PTBP3: variants seen among roughly 807,000 people sequenced by gnomAD.
PTBP3 encodes the protein polypyrimidine tract-binding protein 3.
In PTBP3, 20 loss-of-function variants were observed where a neutral mutation model predicts 58.7. That is an observed-to-expected ratio of 0.34 (90% CI 0.24 to 0.50). PTBP3 has a LOEUF of 0.50. Ranked by LOEUF, PTBP3 falls within the 20% of genes least tolerant of loss-of-function variation. The pLI is 0.98. For synonymous variants in PTBP3, 185 were observed against 219.8 expected (o/e 0.84, Z 1.40); for missense variants, 509 against 637.2 (o/e 0.80, Z 2.17).
the PTBP3 span, among the ~76,000 whole-genome samples, chr9:112,378,791 C>G: frequency 6.6e-6 from 1 of 152,216 alleles, no homozygotes; most frequent in Non-Finnish European, 1.5e-5. Flanking sequence ...GCAAATTCCT[C>G]TGGAGCCTCT....
intron 1 of PTBP3, among the ~76,000 whole-genome samples, chr9:112,326,161 T>C (rs138344856): frequency 1.1e-3 from 167 of 152,354 alleles, no homozygotes; most frequent in South Asian, 4.1e-3. Flanking sequence ...CACTAGTGGA[T>C]ACAAGTGTCA....
At chr9:112,281,655 A>G (rs1827873292) in intron 2 of PTBP3, among the ~76,000 whole-genome samples, 1 of 152,192 alleles carries the variant, frequency 6.6e-6, no homozygotes, top group South Asian at 2.1e-4. Flanking sequence ...TATGTCTGAT[A>G]GACTTCATCA....
chr9:112,280,774 TG>T (rs1247709983), intron 2 of PTBP3, among the ~76,000 whole-genome samples: 6 of 53,522 alleles, frequency 1.1e-4, no homozygotes, highest in Non-Finnish European at 2.0e-4. Context: ...TGTATGTGTG[TG>T]TGTGTGTGTG....
intron 7 of PTBP3, among the ~76,000 whole-genome samples, chr9:112,235,349 C>T (rs974564398): frequency 6.6e-6 from 1 of 152,040 alleles, no homozygotes; most frequent in Non-Finnish European, 1.5e-5. Context: ...AAATATATTA[C>T]AATTGGAGTA....
At chr9:112,333,267 G>T (rs1415631538) in intron 1 of PTBP3, among the ~76,000 whole-genome samples, 2 of 152,190 alleles carry the variant, frequency 1.3e-5, no homozygotes, top group African/African-American at 4.8e-5. Flanking sequence ...GTGGGGAAAG[G>T]AGAGCCTGCG....
At chr9:112,235,830 G>C (rs910679229) in intron 7 of PTBP3, among the ~76,000 whole-genome samples, 9 of 152,010 alleles carry the variant, frequency 5.9e-5, no homozygotes, top group African/African-American at 1.9e-4. Context: ...CAGAAGGAAA[G>C]GGAATATCCT....
the PTBP3 span, among the ~76,000 whole-genome samples, chr9:112,364,552 G>A: frequency 7.2e-5 from 11 of 152,222 alleles, no homozygotes; most frequent in South Asian, 2.1e-3. Context: ...AGGATAGCTT[G>A]AGCCTAGGCG....
At chr9:112,301,583 T>C (rs1415370925) in intron 1 of PTBP3, among the ~76,000 whole-genome samples, 1 of 152,166 alleles carries the variant, frequency 6.6e-6, no homozygotes, top group Non-Finnish European at 1.5e-5. Context: ...AGATTAGTGG[T>C]TGCCAGGAGA....
the PTBP3 span, among the ~76,000 whole-genome samples, chr9:112,350,798 C>T: frequency 2.0e-5 from 3 of 151,798 alleles, no homozygotes; most frequent in Non-Finnish European, 2.9e-5. Context: ...TTCTTCTTTC[C>T]TTTTTTTTCT....
the PTBP3 span, among the ~76,000 whole-genome samples, chr9:112,349,985 T>G: frequency 4.7e-5 from 7 of 147,688 alleles, no homozygotes; most frequent in Non-Finnish European, 1.0e-4. Context: ...GTCACAGAAG[T>G]GGTCTGTGTT....
chr9:112,349,910 A>ACAC, the PTBP3 span, among the ~76,000 whole-genome samples: 1 of 143,146 alleles, frequency 7.0e-6, no homozygotes, highest in Non-Finnish European at 1.5e-5. Context: ...GAATTACAGG[A>ACAC]CACCCAGTTG....
the PTBP3 span, among the ~76,000 whole-genome samples, chr9:112,368,189 G>C: frequency 3.3e-5 from 5 of 151,992 alleles, no homozygotes; most frequent in Admixed American, 6.6e-5. Flanking sequence ...TTTATTTTTT[G>C]AGACAGAGCG....
the PTBP3 span, among the ~76,000 whole-genome samples, chr9:112,375,442 A>C: frequency 6.6e-6 from 1 of 152,154 alleles, no homozygotes; most frequent in Non-Finnish European, 1.5e-5. Context: ...GATGTCCTAG[A>C]AAGGGGCTGT....
chr9:112,347,123 A>T, the PTBP3 span, among the ~76,000 whole-genome samples: 1 of 152,352 alleles, frequency 6.6e-6, no homozygotes, highest in Non-Finnish European at 1.5e-5. Context: ...TGCAATATAT[A>T]AATAGCCTAA....
intron 3 of PTBP3, among the ~76,000 whole-genome samples, chr9:112,269,802 G>A (rs1478841099): frequency 6.6e-6 from 1 of 152,136 alleles, no homozygotes; most frequent in Non-Finnish European, 1.5e-5. Flanking sequence ...TTTTTCTTCA[G>A]ATGGTATAAA....
chr9:112,279,105 G>C (rs1827749084), intron 2 of PTBP3, among the ~76,000 whole-genome samples: 1 of 152,060 alleles, frequency 6.6e-6, no homozygotes, highest in Non-Finnish European at 1.5e-5. Context: ...TATATGTAAA[G>C]ATTTGATAAA....
chr9:112,370,960 AT>A, the PTBP3 span, among the ~76,000 whole-genome samples: 4 of 152,026 alleles, frequency 2.6e-5, no homozygotes, highest in East Asian at 7.7e-4. Flanking sequence ...TGCATTTTTA[AT>A]ATTCTGCCTC....
intron 5 of PTBP3, among the ~76,000 whole-genome samples, chr9:112,261,495 C>T (rs1589835933): frequency 1.3e-5 from 2 of 152,248 alleles, no homozygotes. Flanking sequence ...TATACAAGCA[C>T]ACACACACCT....
At chr9:112,271,039 C>T (rs574936481) in intron 3 of PTBP3, among the ~76,000 whole-genome samples, 1 of 152,190 alleles carries the variant, frequency 6.6e-6, no homozygotes, top group South Asian at 2.1e-4. Context: ...GTTGGCCAGG[C>T]TGGTCTTGAA....
Sources: gnomAD v4.1 joint callset for allele counts (sites outside exome capture counted in the v4.1 genomes callset) on GRCh38, gnomAD v4.1.1 for gene constraint, MANE v1.5 for transcripts, NCBI Gene and HGNC (gene_info 2026-07-23, HGNC 2026-07-21) for gene names.